Variants in APBA2 observed in about 807,000 individuals in gnomAD.
APBA2 encodes the protein amyloid beta precursor protein binding family A member 2.
A neutral mutation model predicts 75.0 loss-of-function variants in APBA2; 30 were observed. The observed-to-expected ratio is 0.40, with a 90% CI of 0.30 to 0.54. The LOEUF (loss-of-function observed/expected upper bound fraction) is 0.54. Among genes scored for constraint, APBA2 ranks in the 20% least tolerant of loss-of-function variants. APBA2 has a pLI of 0.49. For synonymous variants in APBA2, 444 were observed against 409.6 expected, an observed-to-expected ratio of 1.08 and a Z score of -1.01; for missense variants, 801 against 1,016.1, an observed-to-expected ratio of 0.79 and a Z score of 2.88.
intron 8 of APBA2, 144 bp from the exon 9 acceptor site, chr15:29,098,346 A>G: frequency 1.4e-6 from 1 of 705,084 alleles, no homozygotes. Flanking sequence ...CCATTCTGAC[A>G]GATATGAAAT....
chr15:29,082,954 A>AG (rs2043145078), intron 6 of APBA2, among the ~76,000 whole-genome samples: 1 of 152,000 alleles, frequency 6.6e-6, no homozygotes, highest in Non-Finnish European at 1.5e-5. Flanking sequence ...CCCAGCTACT[A>AG]GAGAGGCTGG....
At chr15:28,929,114 A>C (rs1056324354) in intron 2 of APBA2, among the ~76,000 whole-genome samples, 2 of 152,174 alleles carry the variant, frequency 1.3e-5, no homozygotes, top group African/African-American at 4.8e-5. Flanking sequence ...GTTGGAGCGG[A>C]AACTCCAATC....
chr15:28,915,965 T>G (rs2033671892), intron 1 of APBA2, among the ~76,000 whole-genome samples: 1 of 151,960 alleles, frequency 6.6e-6, no homozygotes, highest in East Asian at 1.9e-4. Flanking sequence ...CATCACATAC[T>G]CTGTATCTGA....
intron 3 of APBA2, among the ~76,000 whole-genome samples, chr15:29,021,974 T>G (rs2039977649): frequency 6.6e-6 from 1 of 152,226 alleles, no homozygotes; most frequent in African/African-American, 2.4e-5. Flanking sequence ...CAGGATTTCC[T>G]TCTTTTTAAA....
chr15:28,939,167 A>C (rs906923680), intron 2 of APBA2, among the ~76,000 whole-genome samples: 8 of 152,314 alleles, frequency 5.3e-5, no homozygotes, highest in African/African-American at 1.9e-4. Context: ...GGGGTCCTGC[A>C]CGTTGTGGCA....
At chr15:29,067,539 G>A (rs28604599) in intron 4 of APBA2, among the ~76,000 whole-genome samples, 28,894 of 152,058 alleles carry the variant, frequency 0.19, 3,028 homozygotes, top group African/African-American at 0.28. Flanking sequence ...TCATGATCCC[G>A]CCTTGGCAGG....
intron 5 of APBA2, among the ~76,000 whole-genome samples, chr15:29,075,332 C>A (rs2042803908): frequency 6.6e-6 from 1 of 152,138 alleles, no homozygotes; most frequent in South Asian, 2.1e-4. Flanking sequence ...GTCTGATAAC[C>A]ATGTTCTAAA....
chr15:29,080,879 G>T (rs1047474986), intron 6 of APBA2, among the ~76,000 whole-genome samples: 6 of 152,174 alleles, frequency 3.9e-5, no homozygotes, highest in Non-Finnish European at 8.8e-5. Context: ...TTTGTACTTT[G>T]TTCTCCTCAT....
chr15:29,098,719 C>A, intron 9 of APBA2, 143 bp downstream of exon 9: 3 of 758,734 alleles, frequency 4.0e-6, no homozygotes, highest in Non-Finnish European at 6.8e-6. Flanking sequence ...GCCCGGGCTG[C>A]GGGAGGAGCA....
intron 3 of APBA2, among the ~76,000 whole-genome samples, chr15:29,041,274 C>T (rs1044818548): frequency 1.3e-5 from 2 of 151,914 alleles, no homozygotes; most frequent in Non-Finnish European, 2.9e-5. Flanking sequence ...AGTTTAAGAT[C>T]GGCATGGGCA....
chr15:29,003,082 A>G (rs1448472311), intron 3 of APBA2, among the ~76,000 whole-genome samples: 2 of 152,110 alleles, frequency 1.3e-5, no homozygotes, highest in Non-Finnish European at 2.9e-5. Flanking sequence ...AAGAGGTGGC[A>G]GAGGCCAGCT....
Position 28,930,966 on chromosome 15 carries a change from G to C in APBA2, c.-95+9217G>C, listed in dbSNP as rs554606637. ...TCCTCTTCCCCTGTGAGGCAGCTCT[G>C]GTCATGGCCTCCTGCCTCTGGATTC... On this transcript the variant is annotated intron_variant, in intron 2 of 14. Coordinates refer to ENST00000683413, the MANE Select transcript of APBA2 (RefSeq NM_001353788.2). 2.0e-5 allele frequency among the ~76,000 whole-genome samples: 3 copies of C among 152,320 alleles called. No individual in the cohort carries two copies. In the South Asian group the frequency reaches 6.2e-4, roughly 32 times the overall value.
chr15:28,932,504 C>T (rs1389570624), intron 2 of APBA2, among the ~76,000 whole-genome samples: 1 of 152,174 alleles, frequency 6.6e-6, no homozygotes, highest in Non-Finnish European at 1.5e-5. Context: ...TGCTTTTTAT[C>T]CACCAGGGCA....
chr15:28,886,392 G>T (rs1306213327), intron 1 of APBA2, 114 bp downstream of exon 1: 1 of 151,488 alleles, frequency 6.6e-6, no homozygotes, highest in Non-Finnish European at 1.5e-5. Flanking sequence ...CGGCCCGAGC[G>T]CTCCAGAGCG....
chr15:28,960,760 C>CTTTTTT (rs760299039), intron 2 of APBA2, among the ~76,000 whole-genome samples: 1 of 137,124 alleles, frequency 7.3e-6, no homozygotes, highest in Non-Finnish European at 1.6e-5. Context: ...ACCCATCATT[C>CTTTTTT]TTTTTTTTTT....
intron 13 of APBA2, among the ~76,000 whole-genome samples, chr15:29,109,709 AG>A (rs1331568194): frequency 6.6e-6 from 1 of 152,200 alleles, no homozygotes; most frequent in Non-Finnish European, 1.5e-5. Context: ...GAAGAGGGAC[AG>A]GGGCATCGCC....
chr15:29,016,347 A>C (rs574714955), intron 3 of APBA2, among the ~76,000 whole-genome samples: 2 of 152,198 alleles, frequency 1.3e-5, no homozygotes, highest in Non-Finnish European at 1.5e-5. Flanking sequence ...TTGATAGACA[A>C]AGCAACAGAG....
At chr15:28,942,216 C>T (rs1371670292) in intron 2 of APBA2, among the ~76,000 whole-genome samples, 2 of 152,198 alleles carry the variant, frequency 1.3e-5, no homozygotes, top group East Asian at 1.9e-4. Flanking sequence ...TGTGGCGCTT[C>T]GTCGTGGGAG....
intron 3 of APBA2, among the ~76,000 whole-genome samples, chr15:29,017,977 C>T (rs761807193): frequency 6.6e-6 from 1 of 152,062 alleles, no homozygotes; most frequent in Admixed American, 6.5e-5. Context: ...TGAGACCTTC[C>T]TCCCAGATCT....
Sources: allele counts gnomAD v4.1 joint callset (sites outside exome capture counted in the v4.1 genomes callset), GRCh38; gene constraint gnomAD v4.1.1; transcripts MANE v1.5; gene names NCBI Gene and HGNC (gene_info 2026-07-23, HGNC 2026-07-21).